Variants in ATP11B observed in about 807,000 individuals in gnomAD.
The protein encoded by ATP11B is ATPase phospholipid transporting 11B (putative), also known as phospholipid-transporting ATPase IF.
In ATP11B, 81 loss-of-function variants were observed where a neutral mutation model predicts 157.8. The observed-to-expected ratio is 0.51, with a 90% CI of 0.43 to 0.62. The LOEUF (loss-of-function observed/expected upper bound fraction) is 0.62, where lower values mean the gene tolerates loss of function less well. Among genes scored for constraint, ATP11B ranks in the 20% least tolerant of loss-of-function variants. The pLI, the probability that ATP11B is intolerant of heterozygous loss-of-function variation, is 0.00. For missense variants in ATP11B, 1,165 were observed against 1,402.2 expected, an observed-to-expected ratio of 0.83 and a Z score of 2.70; for synonymous variants, 451 against 469.4, an observed-to-expected ratio of 0.96 and a Z score of 0.51.
Position 182,859,297 on chromosome 3 carries a change from C to T in ATP11B, c.1138C>T (p.His380Tyr), listed in dbSNP as rs758368462. The change falls in exon 12 of 30, where the codon CAT becomes TAT. Residue 380 changes from histidine (H) to tyrosine (Y), a missense_variant. His to Tyr is a moderately conservative substitution (Grantham distance 83). Coordinates refer to ENST00000323116, the MANE Select transcript of ATP11B (RefSeq NM_014616.3). The stretch of plus-strand genomic sequence containing the variant: ...TATTGGCTGGGATCTTGATCTGTAT[C>T]ATGAAGAATCAGATCAGAAAGCTCA... ...FFIGWDLDLY[H>Y]EESDQKAQVN... The T allele has an allele frequency of 1.9e-6, 3 of 1,610,880 alleles. No homozygotes were observed. Among genetic ancestry groups the T allele is most frequent in the African/African-American group, 1.3e-5 (1 of 74,950 alleles).
intron 20 of ATP11B, 37 bp from the exon 21 acceptor site, chr3:182,880,842 C>T: frequency 7.2e-7 from 1 of 1,379,600 alleles, no homozygotes; most frequent in Non-Finnish European, 9.9e-7. Context: ...GAAAATTGAA[C>T]TTGCGTCATA....
chr3:182,817,469 C>T (rs910628789), intron 1 of ATP11B, among the ~76,000 whole-genome samples: 31 of 152,050 alleles, frequency 2.0e-4, no homozygotes, highest in African/African-American at 7.0e-4. Context: ...TTAGTAGAGA[C>T]GGAGTTTCAC....
intron 22 of ATP11B, 73 bp from the exon 23 acceptor site, chr3:182,885,878 A>AT (rs11392709): frequency 0.099 from 107,589 of 1,088,998 alleles, 5,606 homozygotes; most frequent in African/African-American, 0.18. Context: ...TTTAACAGCC[A>AT]TTTTTTTTAT....
intron 5 of ATP11B, 46 bp downstream of exon 5, chr3:182,836,188 C>A: frequency 6.4e-7 from 1 of 1,573,356 alleles, no homozygotes; most frequent in Non-Finnish European, 8.7e-7. Flanking sequence ...CTTGATATCA[C>A]AGGACATAAT....
chr3:182,821,819 A>G (rs529439886), intron 2 of ATP11B, among the ~76,000 whole-genome samples: 45 of 152,228 alleles, frequency 3.0e-4, no homozygotes, highest in Admixed American at 1.2e-3. Context: ...TCCTTATATC[A>G]TAACTATTGC....
intron 1 of ATP11B, among the ~76,000 whole-genome samples, chr3:182,798,832 T>TTG (rs1448038486): frequency 3.9e-5 from 6 of 152,270 alleles, no homozygotes; most frequent in Non-Finnish European, 7.3e-5. Context: ...CATTTTCTAA[T>TTG]TGATTACATG....
chr3:182,839,304 G>A (rs1718810395), intron 7 of ATP11B, among the ~76,000 whole-genome samples: 1 of 152,098 alleles, frequency 6.6e-6, no homozygotes, highest in African/African-American at 2.4e-5. Flanking sequence ...GGAGGGAGAA[G>A]AGCAGAAAAA....
At chr3:182,860,785 T>C (rs1375056697) in intron 12 of ATP11B, among the ~76,000 whole-genome samples, 2 of 152,128 alleles carry the variant, frequency 1.3e-5, no homozygotes, top group Non-Finnish European at 2.9e-5. Flanking sequence ...ATTTCTAATA[T>C]TTTGGTATTC....
chr3:182,881,301 G>T (rs1245081782), intron 21 of ATP11B, among the ~76,000 whole-genome samples: 3 of 152,128 alleles, frequency 2.0e-5, no homozygotes. Flanking sequence ...AGGCGTGGTG[G>T]CACGTGCCTG....
chr3:182,812,604 A>G (rs949108222), intron 1 of ATP11B, among the ~76,000 whole-genome samples: 3 of 152,200 alleles, frequency 2.0e-5, no homozygotes, highest in Non-Finnish European at 4.4e-5. Context: ...CCAGTCCAGC[A>G]TATAAGGGAT....
At chr3:182,867,346 G>A in intron 14 of ATP11B, 30 bp from the exon 15 acceptor site, 1 of 1,357,756 alleles carries the variant, frequency 7.4e-7, no homozygotes, top group Non-Finnish European at 1.1e-6. Flanking sequence ...TATTTCTTAA[G>A]TCTCACTTTT....
intron 17 of ATP11B, among the ~76,000 whole-genome samples, 198 bp from the exon 18 acceptor site, chr3:182,872,158 G>A (rs181368189): frequency 6.6e-6 from 1 of 152,158 alleles, no homozygotes; most frequent in Non-Finnish European, 1.5e-5. Flanking sequence ...GTTGAAAGAG[G>A]TATATGTGTC....
rs1233005329 is a variant in ATP11B, at chr3:182,918,899, A to G, written c.*795A>G. On this transcript the variant is annotated 3_prime_UTR_variant, in exon 30 of 30. Coordinates refer to ENST00000323116, the MANE Select transcript of ATP11B (RefSeq NM_014616.3). ...TGGGTAAATTAGATACTATTAGCATATTATTAATTTAATGTCTTTATCATT... is the reference window on the plus strand; with the variant it reads ...TGGGTAAATTAGATACTATTAGCATGTTATTAATTTAATGTCTTTATCATT... The G allele has an allele frequency of 6.6e-6, 1 of 152,224 alleles. No homozygotes were observed. The highest frequency in any genetic ancestry group is 2.4e-5 in the African/African-American group (1 of 41,462). 9.4% of individuals were successfully genotyped at this position (152,224 alleles called of 1,614,324 possible).
At chr3:182,915,375 A>C in intron 29 of ATP11B, 1 of 985,272 alleles carries the variant, frequency 1.0e-6, no homozygotes, top group Non-Finnish European at 1.2e-6. Context: ...GAGCACTTAA[A>C]CTCTGGGACT....
chr3:182,886,846 T>C (rs1722825226), intron 23 of ATP11B, among the ~76,000 whole-genome samples: 1 of 152,212 alleles, frequency 6.6e-6, no homozygotes, highest in Non-Finnish European at 1.5e-5. Flanking sequence ...TGTTTTATCC[T>C]GTTTACAACC....
chr3:182,887,530 C>G (rs1300230426), intron 23 of ATP11B, 56 bp from the exon 24 acceptor site: 2 of 1,505,064 alleles, frequency 1.3e-6, no homozygotes, highest in Non-Finnish European at 1.8e-6. Flanking sequence ...TTGTCATATG[C>G]ATAATAGTAA....
intron 21 of ATP11B, among the ~76,000 whole-genome samples, chr3:182,882,989 CAT>C (rs1722533257): frequency 1.3e-5 from 2 of 152,106 alleles, no homozygotes; most frequent in South Asian, 4.1e-4. Context: ...GTCAGATTGG[CAT>C]CCATTATAAA....
chr3:182,873,102 C>T (rs1721783718), intron 18 of ATP11B, among the ~76,000 whole-genome samples: 3 of 152,098 alleles, frequency 2.0e-5, no homozygotes, highest in African/African-American at 7.2e-5. Flanking sequence ...CTGTTGTTGT[C>T]TTTGTGGCAC....
At chr3:182,904,384 T>C (rs758476003) in intron 28 of ATP11B, among the ~76,000 whole-genome samples, 2 of 152,244 alleles carry the variant, frequency 1.3e-5, no homozygotes, top group Non-Finnish European at 2.9e-5. Flanking sequence ...CATTTGTTCA[T>C]AGCTGCATGG....
Sources: gnomAD v4.1 joint callset for allele counts (sites outside exome capture counted in the v4.1 genomes callset) on GRCh38, gnomAD v4.1.1 for gene constraint, MANE v1.5 for transcripts, NCBI Gene and HGNC (gene_info 2026-07-23, HGNC 2026-07-21) for gene names.